The following RTN4RL2 variants were observed in gnomAD, a reference collection of about 807,000 sequenced individuals.
RTN4RL2 encodes reticulon-4 receptor-like 2.
RTN4RL2 carries 9 observed loss-of-function variants against 27.8 expected under a neutral mutation model. The ratio of observed to expected loss-of-function variants is 0.32; its 90% CI spans 0.20 to 0.57. RTN4RL2 has a LOEUF of 0.57. RTN4RL2 is among the 20% of genes least tolerant of loss of function. The pLI, the probability that RTN4RL2 is intolerant of heterozygous loss-of-function variation, is 0.90. For missense variants in RTN4RL2, 436 were observed against 596.8 expected, an observed-to-expected ratio of 0.73 and a Z score of 2.81; for synonymous variants, 285 against 297.9, an observed-to-expected ratio of 0.96 and a Z score of 0.45.
At chr11:57,466,871 G>C (rs1459635283) in intron 1 of RTN4RL2, among the ~76,000 whole-genome samples, 2 of 152,262 alleles carry the variant, frequency 1.3e-5, no homozygotes, top group African/African-American at 4.8e-5. Flanking sequence ...CTGGCATCTA[G>C]TGGGTAGAAG....
Position 57,467,700 on chromosome 11 carries a change from G to C in RTN4RL2, c.123G>C (p.Pro41=). 6.2e-7 allele frequency: 1 copy of C among 1,611,698 alleles called. No homozygotes were observed. The highest frequency in any genetic ancestry group is 8.5e-7 in the Non-Finnish European group (1 of 1,179,898). Residue 41 remains proline (P), a synonymous_variant, in exon 2 of 3, where the codon CCG becomes CCC. Transcript: ENST00000335099. The surrounding 1 kb of genome is among the most constrained non-coding windows in gnomAD (Gnocchi z 5.5). ...TGCTCTGCACCTGCTACTCATCCCCGCCCACCGTGAGCTGCCAGGCCAACA... is the reference window on the plus strand; with the variant it reads ...TGCTCTGCACCTGCTACTCATCCCCCCCCACCGTGAGCTGCCAGGCCAACA... ...CPMLCTCYSS[P]PTVSCQANNF...
chr11:57,472,110 T>C (rs142690222), intron 2 of RTN4RL2, among the ~76,000 whole-genome samples: 6,203 of 151,960 alleles, frequency 0.041, 433 homozygotes, highest in African/African-American at 0.14. Flanking sequence ...CTGCCCACCT[T>C]GGCCTCCCAA....
Position 57,467,637 on chromosome 11 carries a change from G to A in RTN4RL2, c.60G>A (p.Met20Ile), listed in dbSNP as rs750770507. 1.8e-5 allele frequency: 29 copies of A among 1,608,958 alleles called. No individual in the cohort carries two copies. The highest frequency in any genetic ancestry group is 3.3e-4 in the Middle Eastern group (2 of 6,060). ...CCGCCTCGGCCTGCCTCCTGCTGATGCTCCTGGCCCTGCCCCTGGCGGCCC... is the reference window on the plus strand; with the variant it reads ...CCGCCTCGGCCTGCCTCCTGCTGATACTCCTGGCCCTGCCCCTGGCGGCCC... ...QAPASACLLL[M>I]LLALPLAAPS... Residue 20 changes from methionine to isoleucine, a missense_variant, in exon 2 of 3, where the codon ATG (methionine) becomes ATA (isoleucine). Physicochemically the swap from Met to Ile is conservative, Grantham distance 10 (BLOSUM62 1). Coordinates refer to ENST00000335099, the MANE Select transcript of RTN4RL2 (RefSeq NM_178570.3). This position sits in a 1 kb window ranked among gnomAD's most constrained non-coding sequence, Gnocchi z 5.5.
At chr11:57,471,242 G>GA (rs1943561193) in intron 2 of RTN4RL2, among the ~76,000 whole-genome samples, 4 of 76,870 alleles carry the variant, frequency 5.2e-5, no homozygotes, top group Admixed American at 1.3e-4. Context: ...TCTCAAAAAA[G>GA]GAAAAAAAAA....
Position 57,476,111 on chromosome 11 carries a change from C to T in RTN4RL2, c.514-51C>T, listed in dbSNP as rs116868996. 2.1e-3 allele frequency: 3,255 copies of T among 1,549,760 alleles called. 57 individuals are homozygous for T. The Admixed American group carries it at 0.03, about 14-fold the overall frequency. On this transcript the variant is annotated intron_variant, in intron 2 of 2. Coordinates refer to ENST00000335099, the MANE Select transcript of RTN4RL2 (RefSeq NM_178570.3). The surrounding 1 kb of genome is among the most constrained non-coding windows in gnomAD (Gnocchi z 8.2). ...GGCCAAGGCCCCAGCGGGGTCTGCACCCTACCTCAGGCCCATTCTCTTCTT... is the reference window on the plus strand; with the variant it reads ...GGCCAAGGCCCCAGCGGGGTCTGCATCCTACCTCAGGCCCATTCTCTTCTT...
intron 2 of RTN4RL2, among the ~76,000 whole-genome samples, chr11:57,473,314 G>A (rs1943575147): frequency 6.6e-6 from 1 of 152,118 alleles, no homozygotes; most frequent in African/African-American, 2.4e-5. Flanking sequence ...AAAGACCCAG[G>A]CCCAGAGAGG....
chr11:57,464,614 G>A (rs1466020677), intron 1 of RTN4RL2, among the ~76,000 whole-genome samples: 2 of 152,204 alleles, frequency 1.3e-5, no homozygotes, highest in Non-Finnish European at 2.9e-5. Flanking sequence ...ACACTTTGCT[G>A]TGTGACCTTG....
chr11:57,471,890 G>A (rs569495965), intron 2 of RTN4RL2, among the ~76,000 whole-genome samples: 3 of 151,708 alleles, frequency 2.0e-5, no homozygotes, highest in South Asian at 2.1e-4. Context: ...ACGAAGTCTC[G>A]CTCTCTTGCT....
chr11:57,463,858 C>G (rs958103297), intron 1 of RTN4RL2, among the ~76,000 whole-genome samples: 3 of 152,022 alleles, frequency 2.0e-5, no homozygotes, highest in South Asian at 2.1e-4. Flanking sequence ...CCCAACCCCC[C>G]AGTCCCACCA....
chr11:57,462,840 A>G (rs1425267094), intron 1 of RTN4RL2, among the ~76,000 whole-genome samples: 2 of 152,198 alleles, frequency 1.3e-5, no homozygotes, highest in Non-Finnish European at 2.9e-5. Context: ...CTTGACTCCC[A>G]CATGTAATCA....
chr11:57,462,075 G>A (rs1943489105), intron 1 of RTN4RL2, among the ~76,000 whole-genome samples: 1 of 152,066 alleles, frequency 6.6e-6, no homozygotes, highest in Non-Finnish European at 1.5e-5. Context: ...GGCTGTGAGG[G>A]ACAGAGGGTG....
intron 2 of RTN4RL2, among the ~76,000 whole-genome samples, chr11:57,470,018 T>G (rs1044278851): frequency 4.6e-5 from 7 of 152,308 alleles, no homozygotes; most frequent in Admixed American, 3.3e-4. Context: ...TGAATGTTCC[T>G]GAGGCCACAC....
chr11:57,476,282 G>A lies in RTN4RL2; in HGVS notation c.634G>A (p.Gly212Arg), dbSNP rs781525151. Residue 212 changes from glycine (G) to arginine (R), a missense_variant, in exon 3 of 3, where the codon GGG becomes AGG. Gly to Arg is a moderately radical substitution (Grantham distance 125, BLOSUM62 -2). Transcript: ENST00000335099. The surrounding 1 kb of genome is among the most constrained non-coding windows in gnomAD (Gnocchi z 8.2). The part of the protein sequence containing the change: ...LGSLDRLLLH[G>R]NRLQGVHRAA... ...CAGCCTGGACCGGCTGCTGCTGCACGGGAACCGGCTGCAGGGCGTGCACCG... is the reference window on the plus strand; with the variant it reads ...CAGCCTGGACCGGCTGCTGCTGCACAGGAACCGGCTGCAGGGCGTGCACCG... 2 of 1,612,232 alleles carry A rather than the reference G, an allele frequency of 1.2e-6. No homozygotes were observed. Among genetic ancestry groups the A allele is most frequent in the Non-Finnish European group, 1.7e-6 (2 of 1,179,534 alleles).
intron 1 of RTN4RL2, among the ~76,000 whole-genome samples, chr11:57,462,414 G>T (rs1943491755): frequency 6.6e-6 from 1 of 152,146 alleles, no homozygotes; most frequent in East Asian, 1.9e-4. Flanking sequence ...CAGCCCGTTG[G>T]GTGTGGAGCC....
rs1380001157 is a variant in RTN4RL2 at position 57,460,687 on chromosome 11, C to T, written c.-179C>T. 1 of 301,388 alleles carries T rather than the reference C, an allele frequency of 3.3e-6. No homozygotes were observed. Among genetic ancestry groups the T allele is most frequent in the Non-Finnish European group, 6.1e-6 (1 of 162,920 alleles). 18.7% of individuals were successfully genotyped at this position (301,388 alleles called of 1,614,324 possible). ...CCCCGTCCCGTCGGGGCCGATGGCTCCTCCCGAGGCCCGCAGCCCGGGCGG... is the reference window on the plus strand; with the variant it reads ...CCCCGTCCCGTCGGGGCCGATGGCTTCTCCCGAGGCCCGCAGCCCGGGCGG... On this transcript the variant is annotated 5_prime_UTR_variant, in exon 1 of 3. Coordinates refer to ENST00000335099, the MANE Select transcript of RTN4RL2 (RefSeq NM_178570.3).
intron 1 of RTN4RL2, among the ~76,000 whole-genome samples, chr11:57,466,150 G>A (rs919139401): frequency 1.3e-5 from 2 of 151,698 alleles, no homozygotes; most frequent in African/African-American, 2.4e-5. Flanking sequence ...ACAGGCGCCC[G>A]CCACCATGCC....
intron 1 of RTN4RL2, 42 bp downstream of exon 1, chr11:57,460,938 A>G (rs1943478960): frequency 7.6e-7 from 1 of 1,310,870 alleles, no homozygotes; most frequent in South Asian, 1.8e-5. Context: ...CATCCTGGGG[A>G]GAGAAGCAGG....
intron 1 of RTN4RL2, among the ~76,000 whole-genome samples, 175 bp downstream of exon 1, chr11:57,461,071 C>T (rs1943480352): frequency 6.6e-6 from 1 of 152,126 alleles, no homozygotes; most frequent in Admixed American, 6.5e-5. Flanking sequence ...CAGGAGGGCA[C>T]TTGGCTGGGA....
Position 57,476,795 on chromosome 11 carries a change from C to G in RTN4RL2, c.1147C>G (p.Gln383Glu). ...CGGGGGTGAGGACCAGCGAGGGGAG[C>G]AGATGTGCCCCGGCGCTGCCTGCCA... ...GYGGEDQRGE[Q>E]MCPGAACQAP... The change falls in exon 3 of 3, where the codon CAG becomes GAG. Residue 383 changes from glutamine to glutamate, a missense_variant. Physicochemically the swap from Gln to Glu is conservative, Grantham distance 29. This residue lies in a region of RTN4RL2 where 60 missense variants were observed against 43.0 expected (regional missense o/e 1.40). Coordinates refer to ENST00000335099, the MANE Select transcript of RTN4RL2 (RefSeq NM_178570.3). The surrounding 1 kb of genome is among the most constrained non-coding windows in gnomAD (Gnocchi z 8.2). 6.6e-7 allele frequency: 1 copy of G among 1,522,228 alleles called. No homozygotes were observed. Among genetic ancestry groups the G allele is most frequent in the Non-Finnish European group, 8.8e-7 (1 of 1,141,906 alleles). 94.3% of individuals were successfully genotyped at this position (1,522,228 alleles called of 1,614,324 possible).
Sources: allele counts gnomAD v4.1 joint callset (sites outside exome capture counted in the v4.1 genomes callset), GRCh38; gene constraint gnomAD v4.1.1; regional missense constraint gnomAD v4.1.1; non-coding constraint Gnocchi (gnomAD v3.1); transcripts MANE v1.5; gene names NCBI Gene and HGNC (gene_info 2026-07-23, HGNC 2026-07-21).